Variants in SLC12A8 observed in about 807,000 individuals in gnomAD.
The protein encoded by SLC12A8 is cation-chloride cotransporter 9.
A neutral mutation model predicts 75.6 loss-of-function variants in SLC12A8; 69 were observed. The observed-to-expected ratio is 0.91, with a 90% CI of 0.75 to 1.11. The LOEUF (loss-of-function observed/expected upper bound fraction) is 1.11, where lower values mean the gene tolerates loss of function less well. SLC12A8 is among the 50% of genes most tolerant of loss of function. SLC12A8 has a pLI of 0.00. For synonymous variants in SLC12A8, 365 were observed against 372.8 expected (o/e 0.98, Z 0.24); for missense variants, 877 against 896.7 (o/e 0.98, Z 0.28).
intron 5 of SLC12A8, among the ~76,000 whole-genome samples, chr3:125,138,123 C>A (rs572180374): frequency 1.1e-4 from 16 of 152,242 alleles, no homozygotes; most frequent in African/African-American, 3.9e-4. Flanking sequence ...GGGGAGGGGT[C>A]GGGTGCAGTG....
intron 2 of SLC12A8, 150 bp from the exon 3 acceptor site, chr3:125,190,671 A>ACACT: frequency 2.0e-5 from 16 of 788,556 alleles, no homozygotes; most frequent in Non-Finnish European, 3.4e-5. Flanking sequence ...GTATACACAC[A>ACACT]TGCATGCACA....
intron 4 of SLC12A8, among the ~76,000 whole-genome samples, chr3:125,178,421 T>TA (rs567156528): frequency 9.9e-4 from 150 of 152,226 alleles, no homozygotes; most frequent in African/African-American, 3.6e-3. Flanking sequence ...GTATTATTTT[T>TA]AAAATTATCT....
At chr3:125,106,611 G>A (rs1939031897) in intron 10 of SLC12A8, among the ~76,000 whole-genome samples, 1 of 152,166 alleles carries the variant, frequency 6.6e-6, no homozygotes, top group Non-Finnish European at 1.5e-5. Flanking sequence ...CACCATGTTG[G>A]TCAGGCTGGG....
At chr3:125,134,494 CA>C (rs1447577415) in intron 6 of SLC12A8, among the ~76,000 whole-genome samples, 1 of 152,194 alleles carries the variant, frequency 6.6e-6, no homozygotes, top group Non-Finnish European at 1.5e-5. Flanking sequence ...GATGAACATT[CA>C]AGCTATTTCC....
At chr3:125,150,137 A>C (rs1933884268) in intron 5 of SLC12A8, among the ~76,000 whole-genome samples, 1 of 152,172 alleles carries the variant, frequency 6.6e-6, no homozygotes. Flanking sequence ...TAGAAGCTCC[A>C]CTCTGATTGG....
intron 13 of SLC12A8, 73 bp from the exon 14 acceptor site, chr3:125,084,125 G>T: frequency 8.0e-7 from 1 of 1,249,342 alleles, no homozygotes; most frequent in Non-Finnish European, 1.1e-6. Flanking sequence ...GAGTCTACTG[G>T]GCATAAAGAA....
chr3:125,144,637 C>T (rs1180687121), intron 5 of SLC12A8, among the ~76,000 whole-genome samples: 2 of 152,184 alleles, frequency 1.3e-5, no homozygotes, highest in East Asian at 3.9e-4. Context: ...CCACTTATTC[C>T]TTCTGGCTGT....
intron 5 of SLC12A8, among the ~76,000 whole-genome samples, chr3:125,141,226 G>C (rs1398782265): frequency 2.0e-5 from 3 of 152,208 alleles, no homozygotes; most frequent in African/African-American, 7.2e-5. Flanking sequence ...GGCAGGAACA[G>C]GCAGAGGGAA....
chr3:125,188,976 A>C (rs1193121992), intron 3 of SLC12A8, among the ~76,000 whole-genome samples: 1 of 152,252 alleles, frequency 6.6e-6, no homozygotes, highest in Non-Finnish European at 1.5e-5. Context: ...AAATCTCCCC[A>C]AATTTGCCTA....
At chr3:125,136,392 C>G (rs1484653010) in intron 5 of SLC12A8, among the ~76,000 whole-genome samples, 2 of 152,216 alleles carry the variant, frequency 1.3e-5, no homozygotes, top group African/African-American at 2.4e-5. Flanking sequence ...GCCAACTCTT[C>G]AAGCTCAGCC....
intron 8 of SLC12A8, among the ~76,000 whole-genome samples, chr3:125,113,475 C>A (rs1013889432): frequency 3.3e-5 from 5 of 152,202 alleles, no homozygotes; most frequent in Non-Finnish European, 7.3e-5. Flanking sequence ...ATCCATCCAT[C>A]CATTCAGGAA....
At chr3:125,203,620 C>A (rs1935172045) in intron 2 of SLC12A8, among the ~76,000 whole-genome samples, 1 of 152,138 alleles carries the variant, frequency 6.6e-6, no homozygotes, top group African/African-American at 2.4e-5. Context: ...ATGTAACACC[C>A]AAACTATAAA....
chr3:125,095,964 G>A (rs1938701356), intron 10 of SLC12A8, among the ~76,000 whole-genome samples: 1 of 152,204 alleles, frequency 6.6e-6, no homozygotes, highest in African/African-American at 2.4e-5. Flanking sequence ...TGTAGCTGTA[G>A]CTAGAACTTT....
intron 13 of SLC12A8, among the ~76,000 whole-genome samples, chr3:125,087,197 C>T (rs983579019): frequency 4.0e-5 from 6 of 150,590 alleles, no homozygotes; most frequent in East Asian, 3.9e-4. Flanking sequence ...CGGGTTCAAG[C>T]GATTCTCCTG....
chr3:125,211,356 G>A lies in SLC12A8; in HGVS notation c.-7C>T. ...CCTGGGACATCTGGGTCATTCTCCAGCAAGCAGGGATCCTGGTGATCTGGA... is the reference window on the plus strand; with the variant it reads ...CCTGGGACATCTGGGTCATTCTCCAACAAGCAGGGATCCTGGTGATCTGGA... On this transcript the variant is annotated 5_prime_UTR_variant, in exon 2 of 14. Coordinates refer to ENST00000469902, the MANE Select transcript of SLC12A8 (RefSeq NM_024628.6). 1 of 1,613,372 alleles carries A rather than the reference G, an allele frequency of 6.2e-7. No homozygotes were observed. Among genetic ancestry groups the A allele is most frequent in the Non-Finnish European group, 8.5e-7 (1 of 1,179,552 alleles).
intron 2 of SLC12A8, among the ~76,000 whole-genome samples, chr3:125,194,184 C>T (rs533393141): frequency 5.9e-5 from 9 of 152,362 alleles, no homozygotes; most frequent in South Asian, 2.1e-4. Flanking sequence ...CTCAGCCTGG[C>T]AGGGGCCAGC....
chr3:125,116,001 G>A (rs1939302140), intron 8 of SLC12A8, among the ~76,000 whole-genome samples: 1 of 151,946 alleles, frequency 6.6e-6, no homozygotes, highest in African/African-American at 2.4e-5. Context: ...AGTGTAGGTT[G>A]CACCCTCCCA....
chr3:125,120,881 G>T, intron 6 of SLC12A8, 195 bp from the exon 7 acceptor site: 1 of 702,044 alleles, frequency 1.4e-6, no homozygotes. Flanking sequence ...GGCGTGAAAG[G>T]CACCTTTGTG....
intron 10 of SLC12A8, among the ~76,000 whole-genome samples, chr3:125,094,017 C>T (rs1162200511): frequency 2.0e-5 from 3 of 152,288 alleles, no homozygotes; most frequent in South Asian, 2.1e-4. Context: ...CCTACTTTCT[C>T]GATTCCTTGA....
Sources: gnomAD v4.1 joint callset for allele counts (sites outside exome capture counted in the v4.1 genomes callset) on GRCh38, gnomAD v4.1.1 for gene constraint, MANE v1.5 for transcripts, NCBI Gene and HGNC (gene_info 2026-07-23, HGNC 2026-07-21) for gene names.